Variants in SHANK2 observed in about 807,000 individuals in gnomAD.
SHANK2 encodes SH3 and multiple ankyrin repeat domains 2, also known as SH3 and multiple ankyrin repeat domains protein 2.
A neutral mutation model predicts 133.7 loss-of-function variants in SHANK2; 43 were observed. The ratio of observed to expected loss-of-function variants is 0.32; its 90% confidence interval spans 0.25 to 0.41. SHANK2 has a LOEUF of 0.41. SHANK2 is among the 10% of genes least tolerant of loss of function. The pLI, the probability that SHANK2 is intolerant of heterozygous loss-of-function variation, is 1.00. For missense variants in SHANK2, 1,994 were observed against 2,235.8 expected (o/e 0.89, Z 2.18); for synonymous variants, 1,017 against 952.8 (o/e 1.07, Z -1.24).
intron 9 of SHANK2, among the ~76,000 whole-genome samples, chr11:71,061,708 G>A (rs1015980910): frequency 6.6e-6 from 1 of 152,136 alleles, no homozygotes; most frequent in South Asian, 2.1e-4. Flanking sequence ...CCATCGGGGT[G>A]TCACCGGGAA....
intron 14 of SHANK2, among the ~76,000 whole-genome samples, chr11:70,712,074 C>T (rs531878677): frequency 5.3e-5 from 8 of 152,136 alleles, no homozygotes; most frequent in African/African-American, 1.7e-4. Context: ...GAGCTTCCTT[C>T]CTGCTGGAGG....
rs73527934 is a variant in SHANK2 at position 70,717,622 on chromosome 11, G to C, written c.1778-18859C>G. On this transcript the variant is annotated intron_variant, in intron 14 of 25. Transcript: ENST00000601538. ...CGGTCCTCCCGTCCCCGCAGCTCTC[G>C]TAAAGAACAAAGGCTCCGCACACCA... Among the ~76,000 whole-genome samples the C allele has an allele frequency of 2.3e-3, 353 of 152,198 alleles. 2 individuals carry two copies. Among genetic ancestry groups the C allele is most frequent in the African/African-American group, 8.2e-3 (341 of 41,540 alleles).
intron 13 of SHANK2, 120 bp from the exon 14 acceptor site, chr11:70,798,676 G>A: frequency 1.5e-6 from 1 of 652,940 alleles, no homozygotes; most frequent in East Asian, 2.7e-5. Context: ...CAGGCCTGCA[G>A]AGCAAGCGGC....
At chr11:70,573,555 G>GA (rs1321555196) in intron 17 of SHANK2, among the ~76,000 whole-genome samples, 1 of 124,662 alleles carries the variant, frequency 8.0e-6, no homozygotes, top group East Asian at 2.6e-4. Context: ...GGGGCGGGGG[G>GA]GGGGTGGGGC....
At chr11:70,870,162 C>T (rs1298719000) in intron 11 of SHANK2, among the ~76,000 whole-genome samples, 1 of 152,126 alleles carries the variant, frequency 6.6e-6, no homozygotes, top group Non-Finnish European at 1.5e-5. Context: ...AGGATGAGCA[C>T]AGCAGCAGAA....
At chr11:71,172,783 T>G (rs534631234) in intron 2 of SHANK2, among the ~76,000 whole-genome samples, 2 of 152,232 alleles carry the variant, frequency 1.3e-5, no homozygotes, top group African/African-American at 2.4e-5. Context: ...GAAGCCTGCA[T>G]AGTTAACGCC....
At chr11:70,565,700 G>C (rs1433988610) in intron 17 of SHANK2, among the ~76,000 whole-genome samples, 1 of 152,064 alleles carries the variant, frequency 6.6e-6, no homozygotes, top group African/African-American at 2.4e-5. Flanking sequence ...TTTATTACCT[G>C]GTGTCTGGTT....
chr11:70,938,797 G>A (rs150123867), intron 10 of SHANK2, among the ~76,000 whole-genome samples: 101 of 152,292 alleles, frequency 6.6e-4, no homozygotes, highest in African/African-American at 2.2e-3. Flanking sequence ...GTGGACTCCA[G>A]TTCCACACAC....
chr11:70,943,795 T>G, intron 10 of SHANK2: 1 of 403,342 alleles, frequency 2.5e-6, no homozygotes, highest in South Asian at 1.9e-5. Flanking sequence ...ACATGGGGTA[T>G]GAGCTGCTCC....
At chr11:71,098,622 G>A (rs1417070163) in intron 6 of SHANK2, among the ~76,000 whole-genome samples, 1 of 152,210 alleles carries the variant, frequency 6.6e-6, no homozygotes, top group East Asian at 1.9e-4. Flanking sequence ...CCAGACATGA[G>A]TGGAGTCTGT....
At chr11:70,644,802 A>C (rs1482762271) in intron 17 of SHANK2, among the ~76,000 whole-genome samples, 1 of 152,210 alleles carries the variant, frequency 6.6e-6, no homozygotes, top group East Asian at 1.9e-4. Context: ...TTCAGCAAAC[A>C]ACAGCCCATG....
At chr11:70,719,386 G>A (rs1002064085) in intron 14 of SHANK2, among the ~76,000 whole-genome samples, 1 of 152,200 alleles carries the variant, frequency 6.6e-6, no homozygotes, top group African/African-American at 2.4e-5. Context: ...CAGCACTCCT[G>A]GGGACATGGA....
chr11:70,936,776 C>CCCT (rs1359140093), intron 10 of SHANK2, among the ~76,000 whole-genome samples: 1 of 152,142 alleles, frequency 6.6e-6, no homozygotes, highest in Non-Finnish European at 1.5e-5. Context: ...CCCATGTGCA[C>CCCT]CCTCAGGGTT....
At chr11:71,136,526 A>C (rs1952442298) in intron 3 of SHANK2, among the ~76,000 whole-genome samples, 1 of 152,204 alleles carries the variant, frequency 6.6e-6, no homozygotes. Context: ...ATAGATACAA[A>C]GTACATCATT....
intron 10 of SHANK2, chr11:70,942,656 T>G (rs1950664304): frequency 2.2e-6 from 1 of 456,726 alleles, no homozygotes; most frequent in Admixed American, 2.3e-5. Flanking sequence ...CAGATGAACT[T>G]GAGGATTTAC....
intron 14 of SHANK2, among the ~76,000 whole-genome samples, chr11:70,720,854 T>C (rs1368034269): frequency 3.9e-5 from 6 of 152,230 alleles, no homozygotes; most frequent in Admixed American, 1.3e-4. Flanking sequence ...CACACACACG[T>C]ACATGTATGC....
rs574136990 is a variant in SHANK2, at chr11:70,713,279, G to A, written c.1778-14516C>T. Among the ~76,000 whole-genome samples, 18 of 152,364 alleles carry A rather than the reference G, an allele frequency of 1.2e-4. 1 individual carries two copies. Among genetic ancestry groups the A allele is most frequent in the South Asian group, 8.3e-4 (4 of 4,830 alleles). Reference sequence around the variant, plus strand: ...GAAATCACTTCAGAGAGCCGGCTCCGTCTGCTCCTGGCACAGTTGGTTTTT... The same window carrying A: ...GAAATCACTTCAGAGAGCCGGCTCCATCTGCTCCTGGCACAGTTGGTTTTT... On this transcript the variant is annotated intron_variant, in intron 14 of 25. Coordinates refer to ENST00000601538, the MANE Select transcript of SHANK2 (RefSeq NM_012309.5).
chr11:71,085,259 C>T (rs1590893561), intron 8 of SHANK2, among the ~76,000 whole-genome samples: 1 of 151,568 alleles, frequency 6.6e-6, no homozygotes, highest in Non-Finnish European at 1.5e-5. Context: ...GAGTTCGAGA[C>T]AAGCCTAGCC....
chr11:71,199,163 G>C (rs1953971004), intron 2 of SHANK2, among the ~76,000 whole-genome samples: 1 of 152,196 alleles, frequency 6.6e-6, no homozygotes, highest in South Asian at 2.1e-4. Context: ...CTGTAGGCCA[G>C]CGTTCTCAGC....
Sources: allele counts gnomAD v4.1 joint callset (sites outside exome capture counted in the v4.1 genomes callset), GRCh38; gene constraint gnomAD v4.1.1; transcripts MANE v1.5; gene names NCBI Gene and HGNC (gene_info 2026-07-23, HGNC 2026-07-21).